NKAIN3: variants seen among roughly 807,000 people sequenced by gnomAD.
NKAIN3 encodes sodium/potassium transporting ATPase interacting 3, also known as sodium/potassium-transporting ATPase subunit beta-1-interacting protein 3.
In NKAIN3, 25 loss-of-function variants were observed where a neutral mutation model predicts 30.2. The ratio of observed to expected loss-of-function variants is 0.83; its 90% CI spans 0.60 to 1.16. The LOEUF (loss-of-function observed/expected upper bound fraction) is 1.16, where lower values mean the gene tolerates loss of function less well. NKAIN3 is among the 50% of genes most tolerant of loss of function. The probability of loss-of-function intolerance (pLI) is 0.00; values close to 1 mark genes in which losing one functional copy is unlikely to be tolerated. For missense variants in NKAIN3, 225 were observed against 254.1 expected, an observed-to-expected ratio of 0.89 and a Z score of 0.78; for synonymous variants, 91 against 89.6, an observed-to-expected ratio of 1.02 and a Z score of -0.09.
chr8:62,864,225 C>T (rs1220285252), intron 4 of NKAIN3: 1 of 735,700 alleles, frequency 1.4e-6, no homozygotes, highest in Non-Finnish European at 2.3e-6. Flanking sequence ...AGAAGTGAAA[C>T]TAAAAACAGC....
intron 1 of NKAIN3, among the ~76,000 whole-genome samples, chr8:62,408,083 C>G (rs937753115): frequency 6.6e-6 from 1 of 152,152 alleles, no homozygotes; most frequent in Non-Finnish European, 1.5e-5. Context: ...GTATTATAGT[C>G]TATATATTTA....
In NKAIN3 at chr8:62,478,660, T is replaced by C. The variant is rs1806598659; in HGVS notation, c.55-100879T>C. On this transcript the variant is annotated intron_variant, in intron 1 of 6. Transcript: ENST00000623646. ...TAAAGTAATACTTTTTCCTTTGTGC[T>C]TCTTAACCTGATAGTCCTTTAAAAT... Among the ~76,000 whole-genome samples, 2 of 152,226 alleles carry C rather than the reference T, an allele frequency of 1.3e-5. 1 individual carries two copies. Among genetic ancestry groups the C allele is most frequent in the South Asian group, 4.1e-4 (2 of 4,836 alleles).
In NKAIN3 at chr8:62,476,899, A is replaced by G. The variant is rs184487510; in HGVS notation, c.55-102640A>G. 1.7e-3 allele frequency among the ~76,000 whole-genome samples: 260 copies of G among 152,330 alleles called. 1 individual carries two copies. Among genetic ancestry groups the G allele is most frequent in the African/African-American group, 6.0e-3 (249 of 41,564 alleles). On this transcript the variant is annotated intron_variant, in intron 1 of 6. Coordinates refer to ENST00000623646, the MANE Select transcript of NKAIN3 (RefSeq NM_001304533.3). ...TGGCCCCTTTAAATTGTCAGCAGAA[A>G]GAAATAAAGTGGCTTGTGACACCAA...
intron 1 of NKAIN3, among the ~76,000 whole-genome samples, chr8:62,287,185 G>T (rs1205031403): frequency 2.0e-5 from 3 of 151,602 alleles, no homozygotes; most frequent in Non-Finnish European, 4.4e-5. Context: ...ATACGAGGTT[G>T]TGATAATGTA....
At chr8:62,627,042 T>A (rs1811810908) in intron 3 of NKAIN3, among the ~76,000 whole-genome samples, 1 of 152,262 alleles carries the variant, frequency 6.6e-6, no homozygotes, top group South Asian at 2.1e-4. Context: ...AAGAAAGTTA[T>A]CTTCCTCAAG....
At chr8:62,411,615 A>C (rs754336029) in intron 1 of NKAIN3, among the ~76,000 whole-genome samples, 2 of 152,198 alleles carry the variant, frequency 1.3e-5, no homozygotes, top group East Asian at 1.9e-4. Flanking sequence ...ATGTCAAACT[A>C]TCTCTCTTCC....
intron 4 of NKAIN3, among the ~76,000 whole-genome samples, chr8:62,843,432 A>T (rs1819587926): frequency 1.3e-5 from 2 of 151,500 alleles, no homozygotes; most frequent in South Asian, 4.2e-4. Flanking sequence ...CACCTCACTC[A>T]TTCAAGTGAT....
chr8:62,315,294 C>T (rs1814580883), intron 1 of NKAIN3, among the ~76,000 whole-genome samples: 1 of 152,140 alleles, frequency 6.6e-6, no homozygotes, highest in African/African-American at 2.4e-5. Context: ...GTAGTGTAAA[C>T]ATAATGCCCT....
intron 4 of NKAIN3, among the ~76,000 whole-genome samples, chr8:62,852,652 T>C (rs955454132): frequency 1.3e-4 from 20 of 152,226 alleles, no homozygotes; most frequent in Non-Finnish European, 2.1e-4. Context: ...TGGTATGTTG[T>C]GTCTTTGTTC....
At chr8:62,315,843 A>G (rs1243168329) in intron 1 of NKAIN3, among the ~76,000 whole-genome samples, 1 of 152,202 alleles carries the variant, frequency 6.6e-6, no homozygotes, top group Non-Finnish European at 1.5e-5. Context: ...CTTTTGCAGC[A>G]ATGTGCCTGC....
intron 4 of NKAIN3, among the ~76,000 whole-genome samples, chr8:62,788,631 T>A (rs929900491): frequency 6.6e-6 from 1 of 152,102 alleles, no homozygotes; most frequent in Non-Finnish European, 1.5e-5. Flanking sequence ...CTGAATGGTA[T>A]TGACTAGGTT....
chr8:62,600,370 G>A (rs1810953190), intron 3 of NKAIN3, among the ~76,000 whole-genome samples: 1 of 152,010 alleles, frequency 6.6e-6, no homozygotes, highest in African/African-American at 2.4e-5. Context: ...GCAGGGGACA[G>A]GGGAGGAAAA....
intron 1 of NKAIN3, 115 bp downstream of exon 1, chr8:62,249,242 C>G (rs115383811): frequency 2.4e-6 from 2 of 832,408 alleles, no homozygotes; most frequent in Admixed American, 3.0e-5. Context: ...GAACAGGGCG[C>G]TCCGCCCGCC....
At chr8:62,424,926 G>A (rs562911519) in intron 1 of NKAIN3, among the ~76,000 whole-genome samples, 1 of 151,900 alleles carries the variant, frequency 6.6e-6, no homozygotes, top group African/African-American at 2.4e-5. Context: ...AAACTATGAT[G>A]TGTACATACA....
At chr8:62,541,751 C>G (rs1808847256) in intron 1 of NKAIN3, among the ~76,000 whole-genome samples, 2 of 151,626 alleles carry the variant, frequency 1.3e-5, no homozygotes, top group South Asian at 4.2e-4. Flanking sequence ...TCTGATGTTT[C>G]TCATAGCATT....
intron 4 of NKAIN3, among the ~76,000 whole-genome samples, chr8:62,887,247 T>G (rs1195163989): frequency 6.6e-6 from 1 of 152,188 alleles, no homozygotes; most frequent in Non-Finnish European, 1.5e-5. Context: ...TTTTTCTGCC[T>G]CTGGTTTTTT....
rs560763627 is a variant in NKAIN3, at chr8:62,863,709, G to A, written c.472-54744G>A. 275 of 1,524,836 alleles carry A rather than the reference G, an allele frequency of 1.8e-4. 5 individuals are homozygous for A. In the South Asian group the frequency reaches 2.9e-3, roughly 16 times the overall value. 94.5% of individuals were successfully genotyped at this position (1,524,836 alleles called of 1,614,324 possible). On this transcript the variant is annotated intron_variant, in intron 4 of 6. Transcript: ENST00000623646. ...TCCAAGGCTGTGTCTGTATCACGCT[G>A]AGCACTTTTTACAACTTTCATTGCA...
intron 3 of NKAIN3, among the ~76,000 whole-genome samples, chr8:62,735,370 CTTTCTTTCTTTT>C (rs374565361): frequency 0.19 from 4,920 of 26,116 alleles, 270 homozygotes; most frequent in African/African-American, 0.24. Context: ...TTCTTTCTTT[CTTTCTTTCTTTT>C]TTTTTTTTTT....
intron 2 of NKAIN3, among the ~76,000 whole-genome samples, chr8:62,586,580 A>G (rs1382567956): frequency 6.6e-6 from 1 of 152,158 alleles, no homozygotes; most frequent in East Asian, 1.9e-4. Flanking sequence ...ATGATATTAT[A>G]GCAAATTGAT....
Sources: allele counts gnomAD v4.1 joint callset (sites outside exome capture counted in the v4.1 genomes callset), GRCh38; gene constraint gnomAD v4.1.1; transcripts MANE v1.5; gene names NCBI Gene and HGNC (gene_info 2026-07-23, HGNC 2026-07-21).